TONSL: variants seen among roughly 807,000 people sequenced by gnomAD.
TONSL encodes tonsoku-like protein.
Under a neutral mutation model 147.1 loss-of-function variants are expected in TONSL, and 112 were observed. The ratio of observed to expected loss-of-function variants is 0.76; its 90% CI spans 0.65 to 0.89. The LOEUF (loss-of-function observed/expected upper bound fraction) is 0.89. Among genes scored for constraint, TONSL ranks in the 40% least tolerant of loss-of-function variants. The pLI, the probability that TONSL is intolerant of heterozygous loss-of-function variation, is 0.00. For missense variants in TONSL, 1,883 were observed against 1,864.6 expected (o/e 1.01, Z -0.18); for synonymous variants, 868 against 801.5 (o/e 1.08, Z -1.40).
chr8:144,429,299 C>CCTGT lies in TONSL; in HGVS notation c.3980_3981insACAG (p.Trp1327Ter). The CCTGT allele has an allele frequency of 6.7e-7, 1 of 1,502,776 alleles. No homozygotes were observed. The highest frequency in any genetic ancestry group is 1.4e-5 in the African/African-American group (1 of 70,860). The allele number at this position is 1,502,776 out of a possible 1,614,324, so 93.1% of individuals were successfully genotyped here. On this transcript the variant is annotated stop_gained and frameshift_variant, in exon 26 of 26. Transcript: ENST00000409379. LOFTEE classifies it low-confidence loss of function (END_TRUNC). ...CCCGGAGCTGCGCGGCTATCTTGTCCCACAGGCCCAGGCCCAGGGGACCCT... is the reference window on the plus strand; with the variant it reads ...CCCGGAGCTGCGCGGCTATCTTGTCCCTGTCACAGGCCCAGGCCCAGGGGACCCT...
At chr8:144,435,212 C>A in intron 18 of TONSL, 42 bp from the exon 19 acceptor site, 1 of 1,453,162 alleles carries the variant, frequency 6.9e-7, no homozygotes, top group Non-Finnish European at 9.1e-7. Context: ...TGCACACAGC[C>A]GGGGTAATGC....
chr8:144,434,423 G>C, intron 20 of TONSL, 144 bp from the exon 21 acceptor site: 1 of 747,718 alleles, frequency 1.3e-6, no homozygotes, highest in Non-Finnish European at 2.1e-6. Context: ...ACATGCCTGT[G>C]GGTCTAGCAC....
At chr8:144,442,460 C>A (rs756812714) in intron 5 of TONSL, 48 bp from the exon 6 acceptor site, 1 of 1,508,924 alleles carries the variant, frequency 6.6e-7, no homozygotes, top group Admixed American at 2.1e-5. Context: ...TCCATGACAG[C>A]TGCTGATGCC....
In TONSL at chr8:144,442,403, G is replaced by T; in HGVS notation, c.588C>A (p.His196Gln). Reference protein sequence around the residue: ...RKSIFLAEQNHLYEDLFRARY... With the variant: ...RKSIFLAEQNQLYEDLFRARY... ...GGGCGCGGAATAGGTCCTCGTAAAG[G>T]TGGTTCTGCCTGCAGAGGGGTGACG... The change falls in exon 6 of 26, where the codon CAC becomes CAA. Residue 196 changes from histidine to glutamine, a missense_variant. Physicochemically the swap from His to Gln is conservative, Grantham distance 24. Transcript: ENST00000409379. 1.3e-6 allele frequency: 2 copies of T among 1,546,042 alleles called. No individual in the cohort carries two copies. The highest frequency in any genetic ancestry group is 1.7e-6 in the Non-Finnish European group (2 of 1,144,366).
intron 13 of TONSL, 34 bp downstream of exon 13, chr8:144,438,437 G>A: frequency 6.2e-7 from 1 of 1,603,816 alleles, no homozygotes; most frequent in African/African-American, 1.3e-5. Flanking sequence ...CTCCATGCTA[G>A]GCAGCCTGTC....
rs145153208 is a variant in TONSL, at chr8:144,435,024, T to C, written c.2999A>G (p.Asn1000Ser). 2.6e-5 allele frequency: 42 copies of C among 1,612,490 alleles called. No homozygotes were observed. Among genetic ancestry groups the C allele is most frequent in the Non-Finnish European group, 3.1e-5 (37 of 1,179,748 alleles). ...QDLIPDVLQS[N>S]DEVLAEVTSW... ...CTCCGCTCTGCGGCTCACCTCGTCA[T>C]TGCTCTGCAGCACATCAGGGATGAG... Residue 1000 changes from asparagine (N) to serine (S), a missense_variant, in exon 19 of 26, where the codon AAT (asparagine) becomes AGT (serine). Transcript: ENST00000409379.
At chr8:144,444,056 G>T in intron 2 of TONSL, 32 bp from the exon 3 acceptor site, 1 of 1,484,286 alleles carries the variant, frequency 6.7e-7, no homozygotes, top group East Asian at 2.7e-5. Flanking sequence ...CCTGGCAGGC[G>T]TCGCGGGTGC....
chr8:144,435,621 G>A (rs377369349), intron 17 of TONSL, 37 bp downstream of exon 17: 1 of 1,581,440 alleles, frequency 6.3e-7, no homozygotes, highest in Non-Finnish European at 8.6e-7. Context: ...CCTGCCCGGA[G>A]TGGGGAGAGG....
At chr8:144,430,203 C>T (rs976648230) in intron 25 of TONSL, among the ~76,000 whole-genome samples, 5 of 152,184 alleles carry the variant, frequency 3.3e-5, no homozygotes, top group Non-Finnish European at 7.4e-5. Context: ...CACCTCGCCC[C>T]CTAACCCATG....
In TONSL at chr8:144,434,122, C is replaced by T. The variant is rs200557916; in HGVS notation, c.3243G>A (p.Arg1081=). 31 of 1,612,138 alleles carry T rather than the reference C, an allele frequency of 1.9e-5. No homozygotes were observed. The Admixed American group carries it at 3.8e-4, about 20-fold the overall frequency. The change falls in exon 21 of 26, where the codon CGG becomes CGA. Residue 1081 remains arginine (R), a synonymous_variant. Coordinates refer to ENST00000409379, the MANE Select transcript of TONSL (RefSeq NM_013432.5). ...GCTCAGCCACACACTTGTCCCCCAG[C>T]CGGTTCCCTGCCAGGCGCAGCTCCC... ...ALRELRLAGN[R]LGDKCVAELV...
At position 144,440,203 on chromosome 8, in the gene TONSL, A is replaced by G; in HGVS notation, c.1298T>C (p.Val433Ala). 4 of 1,593,992 alleles carry G rather than the reference A, an allele frequency of 2.5e-6. No individual in the cohort carries two copies. The highest frequency in any genetic ancestry group is 3.4e-6 in the Non-Finnish European group (4 of 1,170,386). The change falls in exon 11 of 26, where the codon GTC (valine) becomes GCC (alanine). Residue 433 changes from valine to alanine, a missense_variant. By Grantham distance (64) the Val-to-Ala change is moderately conservative. Coordinates refer to ENST00000409379, the MANE Select transcript of TONSL (RefSeq NM_013432.5). ...CTGCACGGTATGGAGATGCTGCAAG[A>G]CCTGCCTCTGAGGAGCAGAGGGATG... ...QAQRPQLQRQ[V>A]LQHLHTVQLR...
intron 14 of TONSL, 41 bp downstream of exon 14, chr8:144,436,986 G>A (rs374974041): frequency 2.5e-4 from 397 of 1,612,840 alleles, no homozygotes; most frequent in Non-Finnish European, 3.2e-4. Flanking sequence ...CGCCCCACGT[G>A]TCCACCAAGG....
rs1360467705 is a variant in TONSL, at chr8:144,438,316, C to T, written c.1653+155G>A. ...TCCCTCCCAGGATGAAGTGATCCTC[C>T]TGCCTCTAGGACCACAGGCAAGTGC... On this transcript the variant is annotated intron_variant, in intron 13 of 25. Coordinates refer to ENST00000409379, the MANE Select transcript of TONSL (RefSeq NM_013432.5). The T allele has an allele frequency of 1.3e-5, 9 of 694,716 alleles. No individual in the cohort carries two copies. In the East Asian group the frequency reaches 2.5e-4, roughly 19 times the overall value. 43.0% of individuals were successfully genotyped at this position (694,716 alleles called of 1,614,324 possible).
In TONSL at chr8:144,437,482, AT is replaced by A. The variant is rs1186669496; in HGVS notation, c.1654-384del. Among the ~76,000 whole-genome samples, 982 of 147,326 alleles carry A rather than the reference AT, an allele frequency of 6.7e-3. 9 individuals carry two copies. Among genetic ancestry groups the A allele is most frequent in the African/African-American group, 0.023 (921 of 40,170 alleles). Reference sequence around the variant, plus strand: ...ATGCATACCACACAGCAGGTACCCCATTTTTTTTTTGAGACCAGCCAGGCTG... The same window carrying A: ...ATGCATACCACACAGCAGGTACCCCATTTTTTTTTGAGACCAGCCAGGCTG... On this transcript the variant is annotated intron_variant, in intron 13 of 25. Coordinates refer to ENST00000409379, the MANE Select transcript of TONSL (RefSeq NM_013432.5).
At chr8:144,432,662 C>T in intron 22 of TONSL, 1 of 510,840 alleles carries the variant, frequency 2.0e-6, no homozygotes, top group South Asian at 3.5e-5. Context: ...AGCTCGGCTG[C>T]CCCCAGTTCT....
chr8:144,432,333 G>A lies in TONSL; in HGVS notation c.3687C>T (p.Gly1229=), dbSNP rs555221463. The part of the protein sequence containing the change: ...LHLELSSVAA[G]KGDSDLMEPV... ...GCTCCATGAGGTCCGAATCACCCTT[G>A]CCGGCTGCCACGGAGCTGAGCTCTA... Residue 1229 remains glycine (G), a synonymous_variant, in exon 23 of 26, where the codon GGC becomes GGT. Transcript: ENST00000409379. The A allele has an allele frequency of 9.6e-5, 155 of 1,613,686 alleles. No homozygotes were observed. In the South Asian group the frequency reaches 1.4e-3, roughly 15 times the overall value.
rs1229279957 is a variant in TONSL, at chr8:144,442,676, C to T, written c.578+1G>A. ...CCTCCTGGGGCGGGGCAGGGCCTTACTCCGCAAGGAAGATGCTCTTCCTGA... is the reference window on the plus strand; with the variant it reads ...CCTCCTGGGGCGGGGCAGGGCCTTATTCCGCAAGGAAGATGCTCTTCCTGA... On this transcript the variant is annotated splice_donor_variant, in intron 5 of 25. Transcript: ENST00000409379. LOFTEE classifies it high-confidence loss of function. 1.2e-6 allele frequency: 2 copies of T among 1,612,154 alleles called. No homozygotes were observed. Among genetic ancestry groups the T allele is most frequent in the South Asian group, 2.2e-5 (2 of 91,008 alleles).
intron 7 of TONSL, 24 bp downstream of exon 7, chr8:144,442,013 C>T (rs1225609353): frequency 6.2e-7 from 1 of 1,602,564 alleles, no homozygotes. Flanking sequence ...CCTCCCAGGG[C>T]CCCATTCGCA....
At chr8:144,429,706 T>C (rs543186589) in intron 25 of TONSL, among the ~76,000 whole-genome samples, 1 of 152,064 alleles carries the variant, frequency 6.6e-6, no homozygotes, top group South Asian at 2.1e-4. Flanking sequence ...GGGAGCTGGG[T>C]GGGAAGGTAC....
Sources: allele counts gnomAD v4.1 joint callset (sites outside exome capture counted in the v4.1 genomes callset), GRCh38; gene constraint gnomAD v4.1.1; transcripts MANE v1.5; gene names NCBI Gene and HGNC (gene_info 2026-07-23, HGNC 2026-07-21).